The following SLC44A1 variants were observed in gnomAD, a reference collection of about 807,000 sequenced individuals.
The protein encoded by SLC44A1 is solute carrier family 44 member 1.
Under a neutral mutation model 79.3 loss-of-function variants are expected in SLC44A1, and 26 were observed. The observed-to-expected ratio is 0.33, with a 90% confidence interval of 0.24 to 0.46. The LOEUF (loss-of-function observed/expected upper bound fraction) is 0.46, where lower values mean the gene tolerates loss of function less well. SLC44A1 is among the 20% of genes least tolerant of loss of function. The pLI is 1.00. For missense variants in SLC44A1, 688 were observed against 798.1 expected (o/e 0.86, Z 1.66); for synonymous variants, 263 against 286.2 (o/e 0.92, Z 0.82).
intron 12 of SLC44A1, 118 bp from the exon 13 acceptor site, chr9:105,374,480 G>T: frequency 1.2e-6 from 1 of 859,026 alleles, no homozygotes. Flanking sequence ...CCTCATTAAA[G>T]GGTGCCATGT....
intron 15 of SLC44A1, among the ~76,000 whole-genome samples, chr9:105,416,004 C>T (rs890914510): frequency 6.7e-6 from 1 of 150,180 alleles, no homozygotes; most frequent in Non-Finnish European, 1.5e-5. Context: ...CGGGTTCCAG[C>T]GATTCTCCTA....
At chr9:105,267,322 C>G (rs1288558465) in intron 1 of SLC44A1, among the ~76,000 whole-genome samples, 1 of 152,148 alleles carries the variant, frequency 6.6e-6, no homozygotes, top group Non-Finnish European at 1.5e-5. Flanking sequence ...CAAGTTCTGA[C>G]ATTTTTCAGC....
Position 105,356,264 on chromosome 9 carries a change from G to A in SLC44A1, c.553G>A (p.Ala185Thr). The A allele has an allele frequency of 6.2e-7, 1 of 1,613,350 alleles. No individual in the cohort carries two copies. The highest frequency in any genetic ancestry group is 8.5e-7 in the Non-Finnish European group (1 of 1,179,632). Residue 185 changes from alanine to threonine, a missense_variant, in exon 6 of 16, where the codon GCC becomes ACC. Transcript: ENST00000374720. ...RCAPVNISCY[A>T]KFAEALITFV... ...TGCTCCTGTGAACATTTCCTGCTAT[G>A]CCAAGTTTGCAGAGGCCCTGATCAC...
Position 105,309,806 on chromosome 9 carries a change from G to A in SLC44A1, c.209G>A (p.Gly70Glu). 1.2e-6 allele frequency: 2 copies of A among 1,613,892 alleles called. No individual in the cohort carries two copies. The highest frequency in any genetic ancestry group is 1.1e-5 in the South Asian group (1 of 91,060). The change falls in exon 3 of 16, where the codon GGG becomes GAG. Residue 70 changes from glycine to glutamate, a missense_variant. Transcript: ENST00000374720. ...TACGACAGCTATGGAAATATCTGTGGGCAGAAAAATACAAAGTTGGAAGCA... is the reference window on the plus strand; with the variant it reads ...TACGACAGCTATGGAAATATCTGTGAGCAGAAAAATACAAAGTTGGAAGCA... ...SGYDSYGNICGQKNTKLEAIP... is the reference protein window; with the variant it reads ...SGYDSYGNICEQKNTKLEAIP...
At chr9:105,298,348 T>G (rs1830784707) in intron 1 of SLC44A1, among the ~76,000 whole-genome samples, 2 of 151,896 alleles carry the variant, frequency 1.3e-5, no homozygotes, top group Admixed American at 1.3e-4. Context: ...GTTGTTGTTG[T>G]TGTTGTTGTT....
intron 1 of SLC44A1, among the ~76,000 whole-genome samples, chr9:105,261,951 A>AT (rs1309124879): frequency 6.6e-6 from 1 of 151,170 alleles, no homozygotes; most frequent in Admixed American, 6.6e-5. Flanking sequence ...AGCTAATTTT[A>AT]TTTTTTTATT....
chr9:105,306,099 T>C (rs143131520), intron 2 of SLC44A1, among the ~76,000 whole-genome samples: 37 of 152,328 alleles, frequency 2.4e-4, no homozygotes, highest in African/African-American at 8.4e-4. Flanking sequence ...CTTCTCTCTC[T>C]TAAAATAGCA....
Position 105,383,123 on chromosome 9 carries a change from G to T in SLC44A1, c.1633G>T (p.Val545Leu), listed in dbSNP as rs1828522087. ...ATGATCTTTGTTCTCTCTGCTTCAG[G>T]TGCTGATAGTCTGCAGCACAGGTTT... ...VGDFMLFLGKVLIVCSTGLAG... is the reference protein window; with the variant it reads ...VGDFMLFLGKLLIVCSTGLAG... Residue 545 changes from valine (V) to leucine (L), a missense_variant and splice_region_variant, in exon 14 of 16, where the codon GTG (valine) becomes TTG (leucine). Transcript: ENST00000374720. The T allele has an allele frequency of 6.2e-7, 1 of 1,605,554 alleles. No homozygotes were observed. Among genetic ancestry groups the T allele is most frequent in the Non-Finnish European group, 8.5e-7 (1 of 1,172,394 alleles).
At chr9:105,244,955 G>A (rs1416426400) in intron 1 of SLC44A1, 51 bp downstream of exon 1, 30 of 1,019,628 alleles carry the variant, frequency 2.9e-5, no homozygotes, top group Non-Finnish European at 3.7e-5. Flanking sequence ...CCCGTGCGCC[G>A]CGTCGCGCGG....
chr9:105,353,790 T>C (rs1477063122), intron 5 of SLC44A1, among the ~76,000 whole-genome samples: 1 of 152,096 alleles, frequency 6.6e-6, no homozygotes, highest in East Asian at 1.9e-4. Context: ...AAATCACACA[T>C]GATAGGGTAA....
intron 15 of SLC44A1, among the ~76,000 whole-genome samples, chr9:105,388,263 A>G (rs2131476441): frequency 6.6e-6 from 1 of 152,276 alleles, no homozygotes; most frequent in South Asian, 2.1e-4. Context: ...CCCTACTAAC[A>G]CCATTCCTTT....
At chr9:105,422,281 CTTT>C (rs554922812) in intron 15 of SLC44A1, among the ~76,000 whole-genome samples, 1 of 95,908 alleles carries the variant, frequency 1.0e-5, no homozygotes, top group Non-Finnish European at 2.0e-5. Context: ...CTGCTCCATC[CTTT>C]TTTTTTTTTT....
chr9:105,326,989 G>C (rs1243294103), intron 3 of SLC44A1, among the ~76,000 whole-genome samples: 1 of 152,178 alleles, frequency 6.6e-6, no homozygotes, highest in Non-Finnish European at 1.5e-5. Context: ...AATTGAGCAG[G>C]ATTCCAAACC....
At chr9:105,343,733 A>C (rs963225653) in intron 4 of SLC44A1, among the ~76,000 whole-genome samples, 8 of 152,080 alleles carry the variant, frequency 5.3e-5, no homozygotes, top group African/African-American at 1.7e-4. Flanking sequence ...CTTAGTACCC[A>C]TTAAGTATGC....
At chr9:105,271,495 G>T (rs1230534544) in intron 1 of SLC44A1, among the ~76,000 whole-genome samples, 1 of 152,202 alleles carries the variant, frequency 6.6e-6, no homozygotes, top group Non-Finnish European at 1.5e-5. Context: ...TGCGGGAATG[G>T]TACGAGCAAA....
chr9:105,392,270 A>C lies in SLC44A1; in HGVS notation c.*3214A>C. ...GATAATTAAGTCCTAAGTCACTACA[A>C]CTTAAGTAGCTTAACTGTATGTTGG... On this transcript the variant is annotated 3_prime_UTR_variant, in exon 16 of 16. Coordinates refer to ENST00000374720, the MANE Select transcript of SLC44A1 (RefSeq NM_080546.5). 2 of 983,874 alleles carry C rather than the reference A, an allele frequency of 2.0e-6. No individual in the cohort carries two copies. The highest frequency in any genetic ancestry group is 2.4e-6 in the Non-Finnish European group (2 of 828,520). The allele number at this position is 983,874 out of a possible 1,614,324, so 60.9% of individuals were successfully genotyped here.
chr9:105,255,142 A>G (rs1829676318), intron 1 of SLC44A1, among the ~76,000 whole-genome samples: 1 of 145,230 alleles, frequency 6.9e-6, no homozygotes, highest in Non-Finnish European at 1.5e-5. Context: ...AAGTCATGTC[A>G]TTATTTAGAA....
chr9:105,366,736 G>A (rs953608640), intron 12 of SLC44A1, among the ~76,000 whole-genome samples: 1 of 151,952 alleles, frequency 6.6e-6, no homozygotes, highest in Admixed American at 6.6e-5. Context: ...TCGTCTTTCA[G>A]GAAAAACATT....
chr9:105,408,478 C>T (rs1002685814), intron 15 of SLC44A1, among the ~76,000 whole-genome samples: 1 of 152,162 alleles, frequency 6.6e-6, no homozygotes, highest in African/African-American at 2.4e-5. Flanking sequence ...GGCATGATCT[C>T]AGCTCACTGC....
Sources: gnomAD v4.1 joint callset for allele counts (sites outside exome capture counted in the v4.1 genomes callset) on GRCh38, gnomAD v4.1.1 for gene constraint, MANE v1.5 for transcripts, NCBI Gene and HGNC (gene_info 2026-07-23, HGNC 2026-07-21) for gene names.